NBEA: variants seen among roughly 807,000 people sequenced by gnomAD.
The protein encoded by NBEA is lysosomal-trafficking regulator 2.
NBEA carries 44 observed loss-of-function variants against 343.4 expected under a neutral mutation model. The ratio of observed to expected loss-of-function variants is 0.13; its 90% CI spans 0.10 to 0.16. The LOEUF (loss-of-function observed/expected upper bound fraction) is 0.16. NBEA is among the 10% of genes least tolerant of loss of function. The probability of loss-of-function intolerance (pLI) is 1.00; values close to 1 mark genes in which losing one functional copy is unlikely to be tolerated. For synonymous variants in NBEA, 1,175 were observed against 1,238.7 expected, an observed-to-expected ratio of 0.95 and a Z score of 1.08; for missense variants, 2,555 against 3,631.3, an observed-to-expected ratio of 0.70 and a Z score of 7.62.
chr13:35,443,992 G>A (rs2045868541), intron 39 of NBEA, among the ~76,000 whole-genome samples: 1 of 151,848 alleles, frequency 6.6e-6, no homozygotes, highest in South Asian at 2.1e-4. Flanking sequence ...AATTAAAATT[G>A]GAATTTAGAT....
intron 1 of NBEA, among the ~76,000 whole-genome samples, chr13:34,988,951 G>C (rs966683225): frequency 6.6e-6 from 1 of 150,882 alleles, no homozygotes; most frequent in Admixed American, 6.6e-5. Flanking sequence ...TGTAATTACT[G>C]ATACTGGATT....
intron 33 of NBEA, among the ~76,000 whole-genome samples, chr13:35,224,145 C>G (rs564929625): frequency 6.6e-6 from 1 of 152,282 alleles, no homozygotes; most frequent in Non-Finnish European, 1.5e-5. Context: ...TTTTGCTGTA[C>G]TTCTCTAGCC....
At chr13:35,130,194 T>C (rs1410610497) in intron 17 of NBEA, among the ~76,000 whole-genome samples, 1 of 152,112 alleles carries the variant, frequency 6.6e-6, no homozygotes, top group East Asian at 1.9e-4. Context: ...TACATTCTGC[T>C]CAATTTTACT....
chr13:35,572,296 C>T (rs1306369686), intron 45 of NBEA, among the ~76,000 whole-genome samples: 1 of 152,160 alleles, frequency 6.6e-6, no homozygotes, highest in African/African-American at 2.4e-5. Context: ...TGATGTGAAG[C>T]ACAGTCTCTG....
chr13:35,460,195 A>T (rs900440103), intron 40 of NBEA, among the ~76,000 whole-genome samples: 1 of 152,296 alleles, frequency 6.6e-6, no homozygotes, highest in Middle Eastern at 3.4e-3. Flanking sequence ...TTTTAAACCC[A>T]TGTGTATTTT....
intron 49 of NBEA, among the ~76,000 whole-genome samples, chr13:35,642,085 T>C (rs1175973814): frequency 6.6e-6 from 1 of 152,232 alleles, no homozygotes; most frequent in Non-Finnish European, 1.5e-5. Context: ...CTGCATGGTC[T>C]TTTGTATTTG....
At chr13:35,405,867 A>C (rs2152911672) in intron 38 of NBEA, among the ~76,000 whole-genome samples, 1 of 152,304 alleles carries the variant, frequency 6.6e-6, no homozygotes, top group South Asian at 2.1e-4. Flanking sequence ...CAGTAGAATT[A>C]GCTATTTCAC....
intron 38 of NBEA, among the ~76,000 whole-genome samples, chr13:35,391,936 G>A (rs1767989168): frequency 6.6e-6 from 1 of 152,018 alleles, no homozygotes; most frequent in African/African-American, 2.4e-5. Flanking sequence ...TTCTATCTCT[G>A]TTGTAAGCAA....
chr13:34,951,642 T>G (rs1283808869), intron 1 of NBEA, among the ~76,000 whole-genome samples: 1 of 152,208 alleles, frequency 6.6e-6, no homozygotes, highest in Non-Finnish European at 1.5e-5. Context: ...TATCAGTGCC[T>G]GAGGTAGTTT....
At chr13:35,232,676 G>A in intron 34 of NBEA, 57 bp downstream of exon 34, 2 of 1,248,678 alleles carry the variant, frequency 1.6e-6, no homozygotes, top group East Asian at 2.9e-5. Flanking sequence ...ATTAATCATG[G>A]CATAATTTGT....
chr13:34,969,710 A>G (rs117526621), intron 1 of NBEA, among the ~76,000 whole-genome samples: 7,833 of 152,146 alleles, frequency 0.051, 302 homozygotes, highest in Non-Finnish European at 0.078. Flanking sequence ...ATGTGTCTGC[A>G]AAGGACATTA....
intron 1 of NBEA, among the ~76,000 whole-genome samples, chr13:35,008,528 C>A (rs1030042571): frequency 6.6e-6 from 1 of 152,052 alleles, no homozygotes; most frequent in Admixed American, 6.5e-5. Flanking sequence ...TCCATTTATT[C>A]CCCAAATATT....
intron 53 of NBEA, among the ~76,000 whole-genome samples, chr13:35,652,694 T>C (rs1395967173): frequency 0.11 from 11,772 of 106,446 alleles, 598 homozygotes; most frequent in South Asian, 0.19. Context: ...CAGTCTTTTT[T>C]TTTTTTTTTT....
intron 38 of NBEA, among the ~76,000 whole-genome samples, chr13:35,430,064 CT>C (rs772477644): frequency 2.0e-5 from 3 of 152,092 alleles, no homozygotes; most frequent in African/African-American, 7.2e-5. Context: ...GGGTATACCA[CT>C]TTACATTCCC....
intron 34 of NBEA, among the ~76,000 whole-genome samples, chr13:35,271,096 A>AG (rs1264003057): frequency 6.6e-6 from 1 of 152,212 alleles, no homozygotes; most frequent in Non-Finnish European, 1.5e-5. Context: ...ATCTCCCAGT[A>AG]GGGGCCTACA....
intron 53 of NBEA, among the ~76,000 whole-genome samples, chr13:35,654,455 A>T (rs1021164067): frequency 5.3e-5 from 8 of 152,230 alleles, no homozygotes; most frequent in Non-Finnish European, 1.0e-4. Context: ...TGGGGCAAAT[A>T]TTAATATATC....
chr13:35,387,458 A>G (rs913303208), intron 38 of NBEA, among the ~76,000 whole-genome samples: 1 of 151,794 alleles, frequency 6.6e-6, no homozygotes, highest in African/African-American at 2.4e-5. Flanking sequence ...ATGTTGTTAT[A>G]TGGTCAATAG....
At chr13:35,471,082 A>G (rs1054808783) in intron 40 of NBEA, among the ~76,000 whole-genome samples, 1 of 152,172 alleles carries the variant, frequency 6.6e-6, no homozygotes, top group African/African-American at 2.4e-5. Context: ...TGGCCCGGGC[A>G]GTCCCGACAG....
rs1353893961 is a variant in NBEA at position 35,162,985 on chromosome 13, A to G, written c.4079+1018A>G. On this transcript the variant is annotated intron_variant, in intron 23 of 58. Coordinates refer to ENST00000379939, the MANE Select transcript of NBEA (RefSeq NM_001385012.1). The stretch of plus-strand genomic sequence containing the variant: ...TTGTTATATGATAAATTACCTAGAG[A>G]TGGTAACTGAGGAAACCTAAATACC... Among the ~76,000 whole-genome samples, 6 of 152,252 alleles carry G rather than the reference A, an allele frequency of 3.9e-5. No individual in the cohort carries two copies. In the East Asian group the frequency reaches 7.7e-4, roughly 20 times the overall value.
Sources: gnomAD v4.1 joint callset for allele counts (sites outside exome capture counted in the v4.1 genomes callset) on GRCh38, gnomAD v4.1.1 for gene constraint, MANE v1.5 for transcripts, NCBI Gene and HGNC (gene_info 2026-07-23, HGNC 2026-07-21) for gene names.